The following ASIC2 variants were observed in gnomAD, a reference collection of about 807,000 sequenced individuals.
The protein encoded by ASIC2 is acid sensing ion channel subunit 2.
In ASIC2, 25 loss-of-function variants were observed where a neutral mutation model predicts 57.3. That is an observed-to-expected ratio of 0.44 (90% confidence interval 0.32 to 0.61). The LOEUF (loss-of-function observed/expected upper bound fraction) is 0.61. Ranked by LOEUF, ASIC2 falls within the 20% of genes least tolerant of loss-of-function variation. The probability of loss-of-function intolerance (pLI) is 0.06; values close to 1 mark genes in which losing one functional copy is unlikely to be tolerated. For synonymous variants in ASIC2, 319 were observed against 307.5 expected, an observed-to-expected ratio of 1.04 and a Z score of -0.39; for missense variants, 641 against 738.1, an observed-to-expected ratio of 0.87 and a Z score of 1.52.
At chr17:33,046,216 G>A (rs1567725596) in intron 3 of ASIC2, among the ~76,000 whole-genome samples, 1 of 152,206 alleles carries the variant, frequency 6.6e-6, no homozygotes, top group African/African-American at 2.4e-5. Flanking sequence ...CAGGGGATTG[G>A]GGTGGGGTCA....
chr17:34,087,904 C>T (rs1383234442), intron 1 of ASIC2, among the ~76,000 whole-genome samples: 7 of 152,162 alleles, frequency 4.6e-5, no homozygotes, highest in Admixed American at 2.0e-4. Context: ...CTCCTTTAAT[C>T]ACTTCTCTGT....
chr17:33,697,298 G>T (rs1908558569), intron 1 of ASIC2, among the ~76,000 whole-genome samples: 1 of 152,100 alleles, frequency 6.6e-6, no homozygotes, highest in South Asian at 2.1e-4. Flanking sequence ...ACTAATACAT[G>T]GATCATCATA....
In ASIC2 at chr17:33,961,011, G is replaced by C. The variant is rs1026345627; in HGVS notation, c.555+194967C>G. 4.6e-5 allele frequency among the ~76,000 whole-genome samples: 7 copies of C among 152,314 alleles called. No individual in the cohort carries two copies. In the South Asian group the frequency reaches 1.5e-3, roughly 32 times the overall value. ...ACCCTAAGTACGTGGAAGTGGAGGA[G>C]ATCTAAATTAGGGCTGAGATCTGTG... On this transcript the variant is annotated intron_variant, in intron 1 of 9. Coordinates refer to the ASIC2 transcript ENST00000359872.
At chr17:33,252,853 C>T (rs1356932525) in intron 1 of ASIC2, among the ~76,000 whole-genome samples, 1 of 152,160 alleles carries the variant, frequency 6.6e-6, no homozygotes, top group Non-Finnish European at 1.5e-5. Context: ...ACAACATACT[C>T]GCAGACTGCC....
intron 1 of ASIC2, among the ~76,000 whole-genome samples, chr17:33,810,725 G>A (rs970018137): frequency 3.3e-5 from 5 of 152,086 alleles, no homozygotes; most frequent in African/African-American, 4.8e-5. Context: ...AGGAGATGCC[G>A]CTACATTGTT....
At chr17:34,110,413 C>T (rs1408070700) in intron 1 of ASIC2, among the ~76,000 whole-genome samples, 1 of 152,206 alleles carries the variant, frequency 6.6e-6, no homozygotes, top group African/African-American at 2.4e-5. Flanking sequence ...CTTCCTCGCC[C>T]TCTCTCTGCC....
chr17:33,701,757 T>C (rs1375419720), intron 1 of ASIC2, among the ~76,000 whole-genome samples: 1 of 152,222 alleles, frequency 6.6e-6, no homozygotes, highest in Admixed American at 6.5e-5. Context: ...TATTTGCAAG[T>C]CACTTAATCG....
At chr17:33,188,887 T>C (rs1373643833) in intron 1 of ASIC2, among the ~76,000 whole-genome samples, 1 of 152,156 alleles carries the variant, frequency 6.6e-6, no homozygotes, top group Non-Finnish European at 1.5e-5. Flanking sequence ...ATATAAAATA[T>C]TTTTTCTTAT....
At chr17:33,626,915 C>T (rs1906003385) in intron 1 of ASIC2, 1 of 152,252 alleles carries the variant, frequency 6.6e-6, no homozygotes, top group African/African-American at 2.4e-5. Context: ...CCTTTCCCCT[C>T]ACCTTCAGAA....
intron 1 of ASIC2, among the ~76,000 whole-genome samples, chr17:33,703,187 C>A (rs776191789): frequency 2.8e-4 from 42 of 152,100 alleles, no homozygotes; most frequent in Non-Finnish European, 3.5e-4. Flanking sequence ...TACATGGACG[C>A]CTAGAACAGA....
chr17:33,558,576 C>G (rs1248797728), intron 1 of ASIC2, among the ~76,000 whole-genome samples: 3 of 152,154 alleles, frequency 2.0e-5, no homozygotes, highest in African/African-American at 7.2e-5. Flanking sequence ...GTAGTCCTTA[C>G]TCAAGGACCA....
chr17:33,278,503 A>G (rs1174065668), intron 1 of ASIC2, among the ~76,000 whole-genome samples: 1 of 144,828 alleles, frequency 6.9e-6, no homozygotes, highest in Non-Finnish European at 1.5e-5. Flanking sequence ...AAAAAAAAAA[A>G]TTGATGGGCT....
At chr17:33,670,103 GCA>G (rs958360454) in intron 1 of ASIC2, among the ~76,000 whole-genome samples, 2 of 152,140 alleles carry the variant, frequency 1.3e-5, no homozygotes, top group African/African-American at 4.8e-5. Context: ...CTGGCACAGA[GCA>G]CAGAGCCCAA....
At chr17:33,861,349 CT>C (rs940476437) in intron 1 of ASIC2, among the ~76,000 whole-genome samples, 4 of 152,222 alleles carry the variant, frequency 2.6e-5, no homozygotes, top group East Asian at 1.9e-4. Context: ...TGGAATAATG[CT>C]TTTTTTCACA....
rs150343125 is a variant in ASIC2, at chr17:33,699,578, C to T, written c.555+456400G>A. On this transcript the variant is annotated intron_variant, in intron 1 of 9. Coordinates refer to the ASIC2 transcript ENST00000359872. Reference sequence around the variant, plus strand: ...TTATCTGTTCCTTTTCTACCTTTCTCCTTGTGGACAATGGTTACAGCTCAT... The same window carrying T: ...TTATCTGTTCCTTTTCTACCTTTCTTCTTGTGGACAATGGTTACAGCTCAT... 1.5e-4 allele frequency among the ~76,000 whole-genome samples: 23 copies of T among 152,316 alleles called. No homozygotes were observed. In the East Asian group the frequency reaches 4.4e-3, roughly 29 times the overall value.
chr17:33,385,295 C>A (rs375932814), intron 1 of ASIC2, among the ~76,000 whole-genome samples: 2 of 152,126 alleles, frequency 1.3e-5, no homozygotes, highest in Admixed American at 6.5e-5. Flanking sequence ...CCTCCCCAGC[C>A]CCTGAGCCCC....
chr17:33,907,075 G>A (rs553361093), intron 1 of ASIC2, among the ~76,000 whole-genome samples: 1 of 152,254 alleles, frequency 6.6e-6, no homozygotes, highest in South Asian at 2.1e-4. Context: ...GTAAATCCTT[G>A]GGAGAGGGGG....
chr17:33,509,847 C>G (rs1211391740), intron 1 of ASIC2, among the ~76,000 whole-genome samples: 3 of 152,216 alleles, frequency 2.0e-5, no homozygotes, highest in Non-Finnish European at 4.4e-5. Context: ...GCCAGGAGGC[C>G]TGGGTTCTGC....
intron 1 of ASIC2, among the ~76,000 whole-genome samples, chr17:33,120,612 C>T (rs2092298466): frequency 6.6e-6 from 1 of 152,172 alleles, no homozygotes; most frequent in Non-Finnish European, 1.5e-5. Context: ...TTTGGTCTGA[C>T]TTGAGATGAT....
Sources: gnomAD v4.1 joint callset for allele counts (sites outside exome capture counted in the v4.1 genomes callset) on GRCh38, gnomAD v4.1.1 for gene constraint, MANE v1.5 for transcripts, NCBI Gene and HGNC (gene_info 2026-07-23, HGNC 2026-07-21) for gene names.